SEC11A: variants seen among roughly 807,000 people sequenced by gnomAD.
SEC11A encodes the protein signal peptidase complex catalytic subunit SEC11A.
SEC11A carries 14 observed loss-of-function variants against 25.6 expected under a neutral mutation model. The ratio of observed to expected loss-of-function variants is 0.55; its 90% confidence interval spans 0.36 to 0.85. The LOEUF (loss-of-function observed/expected upper bound fraction) is 0.85. Among genes scored for constraint, SEC11A ranks in the 40% least tolerant of loss-of-function variants. The pLI is 0.01. For missense variants in SEC11A, 153 were observed against 222.9 expected (o/e 0.69, Z 2.00); for synonymous variants, 83 against 76.4 (o/e 1.09, Z -0.45).
At position 84,669,992 on chromosome 15, in the gene SEC11A, C is replaced by A. The variant is rs1305179647; in HGVS notation, c.*27G>T. On this transcript the variant is annotated 3_prime_UTR_variant, in exon 6 of 6. Transcript: ENST00000268220. ...CATCCAGTAACGAAAACTATGGCAT[C>A]TTCCCAGGAACAGCAAGGCAGGCTT... The A allele has an allele frequency of 3.7e-6, 6 of 1,613,488 alleles. No homozygotes were observed. Among genetic ancestry groups the A allele is most frequent in the African/African-American group, 1.3e-5 (1 of 74,894 alleles).
At chr15:84,712,561 C>T (rs1898312878) in intron 1 of SEC11A, among the ~76,000 whole-genome samples, 1 of 151,594 alleles carries the variant, frequency 6.6e-6, no homozygotes, top group Admixed American at 6.6e-5. Context: ...AATTCTCCTG[C>T]CTCAGCCTCC....
chr15:84,672,866 C>G (rs1479311843), intron 4 of SEC11A: 2 of 209,360 alleles, frequency 9.6e-6, no homozygotes, highest in Non-Finnish European at 2.0e-5. Context: ...GGAAGCGCCT[C>G]TGCCCCGCCG....
chr15:84,685,662 T>C (rs1228361125), intron 3 of SEC11A, among the ~76,000 whole-genome samples: 1 of 152,124 alleles, frequency 6.6e-6, no homozygotes, highest in Non-Finnish European at 1.5e-5. Flanking sequence ...TGATTCTCTC[T>C]GATATATTTA....
intron 5 of SEC11A, 114 bp downstream of exon 5, chr15:84,670,611 C>T (rs1041160798): frequency 1.8e-6 from 1 of 557,244 alleles, no homozygotes; most frequent in African/African-American, 2.0e-5. Flanking sequence ...AACTCCTGGG[C>T]TCAAGCGATC....
At chr15:84,707,842 C>T (rs542037817) in intron 1 of SEC11A, among the ~76,000 whole-genome samples, 3 of 152,084 alleles carry the variant, frequency 2.0e-5, no homozygotes, top group Non-Finnish European at 2.9e-5. Flanking sequence ...AAGAAAATAT[C>T]TTTGTTACTA....
chr15:84,670,657 G>T, intron 5 of SEC11A, 68 bp downstream of exon 5: 1 of 781,986 alleles, frequency 1.3e-6, no homozygotes. Flanking sequence ...TGGGATTACA[G>T]GCTTGAGCCA....
At chr15:84,708,068 A>C (rs750377898) in intron 1 of SEC11A, among the ~76,000 whole-genome samples, 1 of 151,906 alleles carries the variant, frequency 6.6e-6, no homozygotes, top group Non-Finnish European at 1.5e-5. Flanking sequence ...AAAATTAGCC[A>C]GGCGTGGTGG....
intron 4 of SEC11A, chr15:84,671,115 A>G (rs531098131): frequency 1.7e-5 from 3 of 171,650 alleles, no homozygotes; most frequent in African/African-American, 7.1e-5. Context: ...GTTTATCATC[A>G]TAACCTTCAG....
At chr15:84,680,619 C>A in intron 4 of SEC11A, 94 bp downstream of exon 4, 1 of 1,269,062 alleles carries the variant, frequency 7.9e-7, no homozygotes, top group Non-Finnish European at 1.0e-6. Context: ...AGAACCAAAT[C>A]TCTATATTCA....
chr15:84,693,803 T>C (rs1387127804), intron 1 of SEC11A, among the ~76,000 whole-genome samples: 3 of 152,170 alleles, frequency 2.0e-5, no homozygotes, highest in Non-Finnish European at 2.9e-5. Flanking sequence ...TGTGGTTATG[T>C]GGAATACTAT....
intron 1 of SEC11A, among the ~76,000 whole-genome samples, chr15:84,708,651 C>T (rs1435305273): frequency 6.6e-6 from 1 of 151,804 alleles, no homozygotes; most frequent in Non-Finnish European, 1.5e-5. Context: ...CACTATGGTA[C>T]CTGGTGTACA....
chr15:84,688,411 G>GT (rs1897493110), intron 2 of SEC11A, among the ~76,000 whole-genome samples: 1 of 152,168 alleles, frequency 6.6e-6, no homozygotes, highest in African/African-American at 2.4e-5. Flanking sequence ...ATGGTAACAA[G>GT]TAAGACTAAC....
At chr15:84,692,291 T>A (rs1897634887) in intron 1 of SEC11A, among the ~76,000 whole-genome samples, 1 of 151,810 alleles carries the variant, frequency 6.6e-6, no homozygotes, top group Non-Finnish European at 1.5e-5. Flanking sequence ...CTCCACCTCC[T>A]AAAGGGCTGG....
chr15:84,679,865 A>G, intron 4 of SEC11A: 1 of 1,154,878 alleles, frequency 8.7e-7, no homozygotes, highest in Non-Finnish European at 1.2e-6. Context: ...AACGTGAGTT[A>G]TTGTTAATAC....
chr15:84,669,808 T>C lies in SEC11A; in HGVS notation c.*211A>G, dbSNP rs1224954618. ...TGTGACAATGACAATTATGAAATCC[T>C]GTGACTGAAAGTCCCCTCGAGTGCA... On this transcript the variant is annotated 3_prime_UTR_variant, in exon 6 of 6. Transcript: ENST00000268220. 2 of 618,464 alleles carry C rather than the reference T, an allele frequency of 3.2e-6. No individual in the cohort carries two copies. Among genetic ancestry groups the C allele is most frequent in the Non-Finnish European group, 5.1e-6 (2 of 391,558 alleles). 38.3% of individuals were successfully genotyped at this position (618,464 alleles called of 1,614,324 possible). A position where few individuals can be genotyped will look rare whatever the true frequency, so the allele number is the denominator to read the frequency against.
chr15:84,703,022 GATGACTGGTGTGTCTGTA>G (rs1482410042), intron 1 of SEC11A, among the ~76,000 whole-genome samples: 1 of 152,210 alleles, frequency 6.6e-6, no homozygotes, highest in Non-Finnish European at 1.5e-5. Context: ...AAGATTTCAT[GATGACTGGTGTGTCTGTA>G]ATGGATAGGG....
chr15:84,701,180 A>G (rs1304894051), intron 1 of SEC11A, among the ~76,000 whole-genome samples: 1 of 151,510 alleles, frequency 6.6e-6, no homozygotes, highest in East Asian at 1.9e-4. Flanking sequence ...AAAAAAAAAA[A>G]AAGACTGAGC....
intron 1 of SEC11A, among the ~76,000 whole-genome samples, chr15:84,699,763 C>A (rs572629695): frequency 6.6e-6 from 1 of 151,432 alleles, no homozygotes; most frequent in Non-Finnish European, 1.5e-5. Context: ...CCGTTCTCCA[C>A]GGAAAAAGAA....
At chr15:84,697,488 T>C (rs1193079024) in intron 1 of SEC11A, among the ~76,000 whole-genome samples, 1 of 152,200 alleles carries the variant, frequency 6.6e-6, no homozygotes, top group Non-Finnish European at 1.5e-5. Flanking sequence ...AACTGGTATG[T>C]TCCTTAAAAG....
Sources: allele counts gnomAD v4.1 joint callset (sites outside exome capture counted in the v4.1 genomes callset), GRCh38; gene constraint gnomAD v4.1.1; transcripts MANE v1.5; gene names NCBI Gene and HGNC (gene_info 2026-07-23, HGNC 2026-07-21).